The following NFIA variants were observed in gnomAD, a reference collection of about 807,000 sequenced individuals.
NFIA encodes nuclear factor 1 A-type.
Under a neutral mutation model 62.8 loss-of-function variants are expected in NFIA, and 8 were observed. That is an observed-to-expected ratio of 0.13 (90% CI 0.07 to 0.23). NFIA has a LOEUF of 0.23. Ranked by LOEUF, NFIA falls within the 10% of genes least tolerant of loss-of-function variation. The probability of loss-of-function intolerance (pLI) is 1.00; values close to 1 mark genes in which losing one functional copy is unlikely to be tolerated. For missense variants in NFIA, 410 were observed against 642.1 expected (o/e 0.64, Z 3.91); for synonymous variants, 235 against 238.1 (o/e 0.99, Z 0.12).
At chr1:61,314,632 C>G (rs1278547036) in intron 3 of NFIA, among the ~76,000 whole-genome samples, 2 of 152,166 alleles carry the variant, frequency 1.3e-5, no homozygotes, top group Non-Finnish European at 2.9e-5. Flanking sequence ...CAATGGTACT[C>G]ACTTTATACT....
At chr1:61,083,633 G>A (rs1342642313) in intron 1 of NFIA, among the ~76,000 whole-genome samples, 1 of 151,650 alleles carries the variant, frequency 6.6e-6, no homozygotes, top group Non-Finnish European at 1.5e-5. Flanking sequence ...TCGGGGCCGA[G>A]ACGAGCCCAC....
chr1:61,359,034 A>G (rs970428098), intron 5 of NFIA, 113 bp from the exon 6 acceptor site: 18 of 1,449,512 alleles, frequency 1.2e-5, no homozygotes, highest in Middle Eastern at 2.5e-4. Context: ...TCCTAGAACT[A>G]CATTAAGTTG....
Position 61,333,068 on chromosome 1 carries a change from TACAC to T in NFIA, c.700+502_700+505del, listed in dbSNP as rs34809808. 8.4e-4 allele frequency among the ~76,000 whole-genome samples: 112 copies of T among 132,670 alleles called. 1 individual carries two copies. The highest frequency in any genetic ancestry group is 2.6e-3 in the African/African-American group (97 of 37,918). 87.0% of individuals were successfully genotyped at this position (132,670 alleles called of 152,430 possible). On this transcript the variant is annotated intron_variant, in intron 4 of 10. Coordinates refer to ENST00000403491, the MANE Select transcript of NFIA (RefSeq NM_001134673.4). The stretch of plus-strand genomic sequence containing the variant: ...GCACGCACACACACACACACACACA[TACAC>T]ACACACACACACACACACATACACA...
intron 2 of NFIA, among the ~76,000 whole-genome samples, chr1:61,147,403 G>A (rs1474152671): frequency 6.6e-6 from 1 of 152,106 alleles, no homozygotes; most frequent in Non-Finnish European, 1.5e-5. Flanking sequence ...TGCCCGCCTC[G>A]GCCTCCCGAA....
chr1:61,139,476 G>A lies in NFIA; in HGVS notation c.559+50796G>A, dbSNP rs1647336601. Among the ~76,000 whole-genome samples the A allele has an allele frequency of 3.3e-5, 5 of 152,264 alleles. No homozygotes were observed. The South Asian group carries it at 6.2e-4, about 19-fold the overall frequency. ...TATTCAAAGAGATCATCTTTCACCC[G>A]AGGGATTTCTGGGCATCTATTTTGC... On this transcript the variant is annotated intron_variant, in intron 2 of 10. Coordinates refer to ENST00000403491, the MANE Select transcript of NFIA (RefSeq NM_001134673.4).
At chr1:61,454,796 C>T (rs942519148) in intron 10 of NFIA, among the ~76,000 whole-genome samples, 8 of 152,190 alleles carry the variant, frequency 5.3e-5, no homozygotes, top group African/African-American at 1.9e-4. Flanking sequence ...GTGTCACAAT[C>T]ATGGCTTCAG....
chr1:61,278,281 G>C (rs11207720), intron 3 of NFIA, among the ~76,000 whole-genome samples: 51,023 of 152,060 alleles, frequency 0.34, 8,734 homozygotes, highest in Middle Eastern at 0.47. Context: ...TCATGGGTTG[G>C]AGTTTTATAT....
intron 2 of NFIA, among the ~76,000 whole-genome samples, chr1:61,193,947 T>C (rs1158788777): frequency 6.6e-6 from 1 of 152,168 alleles, no homozygotes; most frequent in Non-Finnish European, 1.5e-5. Flanking sequence ...CAGAGTCAAC[T>C]TAACTTTTGG....
chr1:61,417,263 C>CTT (rs1399756150), intron 9 of NFIA, among the ~76,000 whole-genome samples: 1 of 94,412 alleles, frequency 1.1e-5, no homozygotes, highest in Non-Finnish European at 2.3e-5. Context: ...GTTTCCTCAT[C>CTT]TTTGTGTGTG....
chr1:61,244,048 A>C (rs1404579092), intron 2 of NFIA, among the ~76,000 whole-genome samples: 1 of 152,186 alleles, frequency 6.6e-6, no homozygotes, highest in Non-Finnish European at 1.5e-5. Flanking sequence ...ACGTGTAATT[A>C]GTACATGGGG....
intron 10 of NFIA, among the ~76,000 whole-genome samples, chr1:61,429,899 G>T (rs961587541): frequency 6.6e-6 from 1 of 152,214 alleles, no homozygotes; most frequent in Non-Finnish European, 1.5e-5. Context: ...TAGAGTAGTG[G>T]CTGCCAGGGG....
chr1:61,255,174 C>G (rs1482555062), intron 2 of NFIA, among the ~76,000 whole-genome samples: 1 of 152,134 alleles, frequency 6.6e-6, no homozygotes, highest in Non-Finnish European at 1.5e-5. Context: ...AGAAAAAGCA[C>G]ACACAAAACA....
At chr1:61,338,077 A>C (rs1661708923) in intron 4 of NFIA, among the ~76,000 whole-genome samples, 1 of 152,152 alleles carries the variant, frequency 6.6e-6, no homozygotes, top group Non-Finnish European at 1.5e-5. Flanking sequence ...CGGTTTGTAC[A>C]CCCAAGCCGG....
chr1:61,389,845 G>A (rs1340045244), intron 7 of NFIA, among the ~76,000 whole-genome samples: 3 of 151,724 alleles, frequency 2.0e-5, no homozygotes, highest in South Asian at 2.1e-4. Context: ...TTAGGTGCAC[G>A]CCACTTTAGA....
At chr1:61,222,599 G>A (rs1249405670) in intron 2 of NFIA, among the ~76,000 whole-genome samples, 1 of 152,020 alleles carries the variant, frequency 6.6e-6, no homozygotes, top group Non-Finnish European at 1.5e-5. Context: ...TTAATGATGG[G>A]TATTTAGAGT....
intron 6 of NFIA, 102 bp from the exon 7 acceptor site, chr1:61,383,133 TTC>T: frequency 7.1e-6 from 10 of 1,407,470 alleles, no homozygotes; most frequent in Non-Finnish European, 9.8e-6. Context: ...ACAGGTGGAT[TTC>T]TCTTTTTGTT....
chr1:61,426,336 T>A, intron 9 of NFIA, 129 bp from the exon 10 acceptor site: 1 of 663,740 alleles, frequency 1.5e-6, no homozygotes, highest in Non-Finnish European at 2.7e-6. Context: ...CAGACCCCTT[T>A]GCTAGCTACA....
chr1:61,389,257 T>C (rs1664850208), intron 7 of NFIA, among the ~76,000 whole-genome samples: 1 of 152,184 alleles, frequency 6.6e-6, no homozygotes, highest in Admixed American at 6.5e-5. Context: ...CCCTGCCTTA[T>C]GTCTGCATGC....
chr1:61,363,736 A>C (rs1247871411), intron 6 of NFIA, among the ~76,000 whole-genome samples: 1 of 152,186 alleles, frequency 6.6e-6, no homozygotes, highest in South Asian at 2.1e-4. Flanking sequence ...TTAAATATAC[A>C]TAGGACACAA....
Sources: gnomAD v4.1 joint callset for allele counts (sites outside exome capture counted in the v4.1 genomes callset) on GRCh38, gnomAD v4.1.1 for gene constraint, MANE v1.5 for transcripts, NCBI Gene and HGNC (gene_info 2026-07-23, HGNC 2026-07-21) for gene names.